The following SCFD2 variants were observed in gnomAD, a reference collection of about 807,000 sequenced individuals.
The protein encoded by SCFD2 is sec1 family domain-containing protein 2.
SCFD2 carries 54 observed loss-of-function variants against 58.9 expected under a neutral mutation model. The ratio of observed to expected loss-of-function variants is 0.92; its 90% CI spans 0.74 to 1.15. The LOEUF is 1.15. Ranked by LOEUF, SCFD2 falls within the 50% of genes most tolerant of loss-of-function variation. The pLI, the probability that SCFD2 is intolerant of heterozygous loss-of-function variation, is 0.00. For synonymous variants in SCFD2, 321 were observed against 335.9 expected, an observed-to-expected ratio of 0.96 and a Z score of 0.49; for missense variants, 805 against 836.6, an observed-to-expected ratio of 0.96 and a Z score of 0.47.
chr4:52,995,156 A>C (rs1246988489), intron 5 of SCFD2, among the ~76,000 whole-genome samples: 1 of 152,208 alleles, frequency 6.6e-6, no homozygotes, highest in Admixed American at 6.5e-5. Flanking sequence ...ATGTAGAATC[A>C]GTGGAAGCCC....
intron 8 of SCFD2, among the ~76,000 whole-genome samples, chr4:52,885,286 C>T (rs566227455): frequency 1.6e-4 from 25 of 152,206 alleles, no homozygotes; most frequent in African/African-American, 5.8e-4. Context: ...CTGAGTGATT[C>T]AACACTGATT....
chr4:53,279,422 T>A (rs1399700281), intron 3 of SCFD2, among the ~76,000 whole-genome samples: 1 of 152,114 alleles, frequency 6.6e-6, no homozygotes, highest in Non-Finnish European at 1.5e-5. Flanking sequence ...GGCCCTTATT[T>A]CACTTTTAAG....
intron 5 of SCFD2, among the ~76,000 whole-genome samples, chr4:53,059,916 A>G (rs1307833365): frequency 1.3e-5 from 2 of 152,178 alleles, no homozygotes; most frequent in Non-Finnish European, 2.9e-5. Flanking sequence ...CCAGTGCTAC[A>G]GTAACTAGAT....
At chr4:52,905,357 T>C (rs1719319655) in intron 7 of SCFD2, among the ~76,000 whole-genome samples, 1 of 152,216 alleles carries the variant, frequency 6.6e-6, no homozygotes, top group African/African-American at 2.4e-5. Flanking sequence ...TGTGGAATTG[T>C]AGGAGGGTTC....
intron 3 of SCFD2, among the ~76,000 whole-genome samples, chr4:53,278,273 G>A (rs1285365876): frequency 6.6e-6 from 1 of 151,762 alleles, no homozygotes; most frequent in East Asian, 1.9e-4. Flanking sequence ...AGCTGAGGCA[G>A]GAGAATCACT....
intron 5 of SCFD2, among the ~76,000 whole-genome samples, chr4:53,051,142 T>C (rs1723181759): frequency 6.6e-6 from 1 of 152,200 alleles, no homozygotes; most frequent in South Asian, 2.1e-4. Flanking sequence ...CCTGGCACAG[T>C]GTAGGCATTT....
chr4:53,183,858 C>G (rs2148951414), intron 4 of SCFD2, among the ~76,000 whole-genome samples: 1 of 152,144 alleles, frequency 6.6e-6, no homozygotes, highest in East Asian at 1.9e-4. Flanking sequence ...TCAAAAGTGT[C>G]CTGAACATAT....
At chr4:53,000,951 T>C (rs932149845) in intron 5 of SCFD2, among the ~76,000 whole-genome samples, 1 of 152,202 alleles carries the variant, frequency 6.6e-6, no homozygotes, top group Admixed American at 6.5e-5. Context: ...TCTAGAAGGA[T>C]CTAGCATTCT....
At chr4:53,081,984 A>G (rs1724160973) in intron 5 of SCFD2, among the ~76,000 whole-genome samples, 1 of 152,270 alleles carries the variant, frequency 6.6e-6, no homozygotes, top group Non-Finnish European at 1.5e-5. Flanking sequence ...GGCTTCTTTA[A>G]TGTAGCATAA....
Position 53,120,981 on chromosome 4 carries a change from C to A in SCFD2, c.1561+24352G>T, listed in dbSNP as rs116499883. The stretch of plus-strand genomic sequence containing the variant: ...TCCCCACACACTCAGGAGTTCTATT[C>A]GTAGATTCACTCAATAGACGCTTGC... On this transcript the variant is annotated intron_variant, in intron 5 of 8. Transcript: ENST00000401642. Among the ~76,000 whole-genome samples, 1,392 of 152,296 alleles carry A rather than the reference C, an allele frequency of 9.1e-3. 29 individuals are homozygous for A. Among genetic ancestry groups the A allele is most frequent in the African/African-American group, 0.032 (1,311 of 41,562 alleles).
At chr4:52,988,120 C>T (rs894045095) in intron 5 of SCFD2, among the ~76,000 whole-genome samples, 1 of 152,116 alleles carries the variant, frequency 6.6e-6, no homozygotes, top group Admixed American at 6.5e-5. Context: ...AAGGAGAAAC[C>T]TTATGTGAGG....
At chr4:52,899,505 C>G (rs1326909691) in intron 7 of SCFD2, among the ~76,000 whole-genome samples, 1 of 152,212 alleles carries the variant, frequency 6.6e-6, no homozygotes, top group African/African-American at 2.4e-5. Context: ...TGTGGAGTTT[C>G]TGCGGAGAGA....
At chr4:53,049,740 TGA>T (rs1239370035) in intron 5 of SCFD2, among the ~76,000 whole-genome samples, 2 of 152,198 alleles carry the variant, frequency 1.3e-5, no homozygotes. Flanking sequence ...CTGCCTAATC[TGA>T]GTCTATCTCT....
intron 4 of SCFD2, among the ~76,000 whole-genome samples, chr4:53,182,350 A>G (rs4346703): frequency 0.27 from 41,680 of 152,068 alleles, 6,294 homozygotes; most frequent in Non-Finnish European, 0.35. Flanking sequence ...ATAATGCCAC[A>G]TATCTACAAC....
At chr4:52,913,932 A>G (rs943168157) in intron 6 of SCFD2, among the ~76,000 whole-genome samples, 3 of 152,214 alleles carry the variant, frequency 2.0e-5, no homozygotes, top group Non-Finnish European at 4.4e-5. Context: ...ACTGTTTGCT[A>G]CAGAAGAAAA....
chr4:53,170,868 T>C (rs1727159068), intron 4 of SCFD2, among the ~76,000 whole-genome samples: 1 of 152,222 alleles, frequency 6.6e-6, no homozygotes, highest in African/African-American at 2.4e-5. Flanking sequence ...CATTTTTCTG[T>C]GTTGATTTTG....
intron 4 of SCFD2, among the ~76,000 whole-genome samples, chr4:53,242,993 C>G (rs186021853): frequency 4.6e-5 from 7 of 152,206 alleles, no homozygotes; most frequent in Non-Finnish European, 8.8e-5. Flanking sequence ...TGTAAAGAGA[C>G]TAAATCTATG....
At chr4:53,071,406 G>A (rs1249792194) in intron 5 of SCFD2, among the ~76,000 whole-genome samples, 1 of 152,018 alleles carries the variant, frequency 6.6e-6, no homozygotes, top group African/African-American at 2.4e-5. Context: ...TTGGAGGGAG[G>A]TGGTCCATGG....
chr4:53,007,467 G>A (rs1722004727), intron 5 of SCFD2, among the ~76,000 whole-genome samples: 2 of 151,914 alleles, frequency 1.3e-5, no homozygotes, highest in South Asian at 4.2e-4. Flanking sequence ...GATAATTGTT[G>A]CTTTGAAAAT....
Sources: allele counts gnomAD v4.1 joint callset (sites outside exome capture counted in the v4.1 genomes callset), GRCh38; gene constraint gnomAD v4.1.1; transcripts MANE v1.5; gene names NCBI Gene and HGNC (gene_info 2026-07-23, HGNC 2026-07-21).